PCDHA3: variants seen among roughly 807,000 people sequenced by gnomAD.
PCDHA3 encodes protocadherin alpha-3.
PCDHA3 carries 41 observed loss-of-function variants against 62.2 expected under a neutral mutation model. The ratio of observed to expected loss-of-function variants is 0.66; its 90% CI spans 0.51 to 0.86. The LOEUF (loss-of-function observed/expected upper bound fraction) is 0.86. PCDHA3 is among the 40% of genes least tolerant of loss of function. The probability of loss-of-function intolerance (pLI) is 0.00; values close to 1 mark genes in which losing one functional copy is unlikely to be tolerated. For synonymous variants in PCDHA3, 640 were observed against 555.4 expected (o/e 1.15, Z -2.14); for missense variants, 1,304 against 1,241.2 (o/e 1.05, Z -0.76).
intron 1 of PCDHA3, chr5:140,862,516 G>T: frequency 2.4e-6 from 1 of 409,748 alleles, no homozygotes; most frequent in South Asian, 1.9e-5. Flanking sequence ...CGCTTTCATT[G>T]TTGGCCACAG....
chr5:140,857,458 C>A (rs782648266), intron 1 of PCDHA3: 1 of 1,598,670 alleles, frequency 6.3e-7, no homozygotes, highest in South Asian at 1.1e-5. Flanking sequence ...ACCCGCCAGG[C>A]TGCCACATCT....
chr5:140,872,867 A>G (rs549673745), intron 1 of PCDHA3, among the ~76,000 whole-genome samples: 37 of 152,332 alleles, frequency 2.4e-4, no homozygotes, highest in African/African-American at 8.7e-4. Flanking sequence ...CCTACTGACA[A>G]TTATCAGTTT....
At chr5:140,900,673 A>T (rs936784929) in intron 1 of PCDHA3, among the ~76,000 whole-genome samples, 6 of 152,210 alleles carry the variant, frequency 3.9e-5, no homozygotes, top group African/African-American at 1.4e-4. Context: ...GAGTGCAGTT[A>T]TCTCTTCAAT....
intron 1 of PCDHA3, chr5:140,871,145 C>T (rs1249708738): frequency 1.2e-6 from 2 of 1,613,300 alleles, no homozygotes; most frequent in East Asian, 2.2e-5. Context: ...TCTTCCCGGA[C>T]TTTGGCGGGC....
At chr5:140,958,593 A>G (rs1412529643) in intron 1 of PCDHA3, among the ~76,000 whole-genome samples, 2 of 152,214 alleles carry the variant, frequency 1.3e-5, no homozygotes, top group African/African-American at 4.8e-5. Context: ...GCTTATGATA[A>G]TTGGATCAAA....
Position 141,004,377 on chromosome 5 carries a change from C to T in PCDHA3, c.2543-5250C>T, listed in dbSNP as rs567018582. Among the ~76,000 whole-genome samples the T allele has an allele frequency of 3.9e-5, 6 of 152,294 alleles. No homozygotes were observed. The South Asian group carries it at 6.2e-4, about 16-fold the overall frequency. ...AGAGACCACACCTTGTTCTGCTCTG[C>T]GGAAGCTGGACATGTGGAGGAGGCA... On this transcript the variant is annotated intron_variant, in intron 3 of 3. Coordinates refer to ENST00000522353, the MANE Select transcript of PCDHA3 (RefSeq NM_018906.3).
chr5:140,934,998 T>A (rs1242919330), intron 1 of PCDHA3, among the ~76,000 whole-genome samples: 1 of 152,198 alleles, frequency 6.6e-6, no homozygotes, highest in Non-Finnish European at 1.5e-5. Flanking sequence ...CCCTGAATCC[T>A]TTTCATGTGA....
chr5:140,883,377 C>T lies in PCDHA3; in HGVS notation c.2394+79786C>T, dbSNP rs1436655611. On this transcript the variant is annotated intron_variant, in intron 1 of 3. Coordinates refer to ENST00000522353, the MANE Select transcript of PCDHA3 (RefSeq NM_018906.3). ...GACACTCAGCCTAGCGCCATTATTG[C>T]CCTAATCAGTGTGTCCGATCGTGAC... The T allele has an allele frequency of 1.5e-5, 25 of 1,614,054 alleles. No individual in the cohort carries two copies. Among genetic ancestry groups the T allele is most frequent in the Non-Finnish European group, 2.0e-5 (24 of 1,180,036 alleles).
intron 1 of PCDHA3, among the ~76,000 whole-genome samples, chr5:140,907,747 G>A (rs782672220): frequency 7.9e-5 from 12 of 152,172 alleles, no homozygotes; most frequent in Admixed American, 2.0e-4. Flanking sequence ...TGGCCACTTT[G>A]TTCATGGGCC....
chr5:141,007,200 G>T (rs1437076735), intron 3 of PCDHA3, among the ~76,000 whole-genome samples: 2 of 152,010 alleles, frequency 1.3e-5, no homozygotes, highest in Admixed American at 6.6e-5. Context: ...GATGGTGGGG[G>T]CCAGAATATG....
At chr5:140,836,055 G>T in intron 1 of PCDHA3, 1 of 1,613,604 alleles carries the variant, frequency 6.2e-7, no homozygotes, top group Non-Finnish European at 8.5e-7. Context: ...CGTGCTGGAC[G>T]AGAACGACAA....
chr5:140,842,062 C>G lies in PCDHA3; in HGVS notation c.2394+38471C>G, dbSNP rs548664799. The G allele has an allele frequency of 3.1e-6, 5 of 1,613,774 alleles. No individual in the cohort carries two copies. In the African/African-American group the frequency reaches 6.7e-5, roughly 22 times the overall value. ...CTCCCACTTTCGAACAGTCTGAATA[C>G]GAAGTAAGAATATTCGAAAACGCAG... On this transcript the variant is annotated intron_variant, in intron 1 of 3. Coordinates refer to ENST00000522353, the MANE Select transcript of PCDHA3 (RefSeq NM_018906.3).
Position 140,967,464 on chromosome 5 carries a change from G to A in PCDHA3, c.2395-11485G>A, listed in dbSNP as rs781900904. The A allele has an allele frequency of 1.9e-6, 3 of 1,613,386 alleles. No individual in the cohort carries two copies. In the East Asian group the frequency reaches 6.7e-5, roughly 36 times the overall value. ...CTGGTTCTCACAGCCGTGGATGGGG[G>A]CATCCCAGCCCGCTCGGGTACGGCA... On this transcript the variant is annotated intron_variant, in intron 1 of 3. Coordinates refer to ENST00000522353, the MANE Select transcript of PCDHA3 (RefSeq NM_018906.3).
At chr5:140,920,023 C>T (rs1554199365) in intron 1 of PCDHA3, among the ~76,000 whole-genome samples, 1 of 152,096 alleles carries the variant, frequency 6.6e-6, no homozygotes, top group Non-Finnish European at 1.5e-5. Flanking sequence ...AAGATGGAGA[C>T]AGAGATTGGA....
At chr5:140,877,082 C>A in intron 1 of PCDHA3, 1 of 1,613,120 alleles carries the variant, frequency 6.2e-7, no homozygotes, top group African/African-American at 1.3e-5. Flanking sequence ...CAGGTGAGCG[C>A]GCGCGACGCC....
At chr5:140,902,611 A>G (rs924512539) in intron 1 of PCDHA3, among the ~76,000 whole-genome samples, 1 of 151,996 alleles carries the variant, frequency 6.6e-6, no homozygotes, top group East Asian at 1.9e-4. Flanking sequence ...TTTCAGTTAC[A>G]TGGGTAAGTT....
chr5:140,862,622 G>T (rs2047457580), intron 1 of PCDHA3: 8 of 530,260 alleles, frequency 1.5e-5, no homozygotes, highest in South Asian at 1.1e-4. Context: ...AACAACCCGC[G>T]GGGCTGCCAC....
chr5:140,941,421 A>T (rs1399072425), intron 1 of PCDHA3, among the ~76,000 whole-genome samples: 1 of 149,518 alleles, frequency 6.7e-6, no homozygotes, highest in Non-Finnish European at 1.5e-5. Flanking sequence ...GGTTCAAGCA[A>T]TTCTCTGCCT....
At position 140,849,254 on chromosome 5, in the gene PCDHA3, A is replaced by C. The variant is rs2150433667; in HGVS notation, c.2394+45663A>C. The stretch of plus-strand genomic sequence containing the variant: ...CCCTGTATACGGTGAAATTACCAGA[A>C]AACGTTTCTATCGGAACGCTGGTGA... On this transcript the variant is annotated intron_variant, in intron 1 of 3. Coordinates refer to ENST00000522353, the MANE Select transcript of PCDHA3 (RefSeq NM_018906.3). The C allele has an allele frequency of 1.6e-4, 171 of 1,103,146 alleles. 11 individuals are homozygous for C. In the South Asian group the frequency reaches 1.7e-3, roughly 11 times the overall value. 68.3% of individuals were successfully genotyped at this position (1,103,146 alleles called of 1,614,324 possible). A position where few individuals can be genotyped will look rare whatever the true frequency, so the allele number is the denominator to read the frequency against.
Sources: allele counts gnomAD v4.1 joint callset (sites outside exome capture counted in the v4.1 genomes callset), GRCh38; gene constraint gnomAD v4.1.1; transcripts MANE v1.5; gene names NCBI Gene and HGNC (gene_info 2026-07-23, HGNC 2026-07-21).